The following PTPRT variants were observed in gnomAD, a reference collection of about 807,000 sequenced individuals.
PTPRT encodes the protein protein tyrosine phosphatase receptor type T, also known as receptor-type tyrosine-protein phosphatase T.
In PTPRT, 56 loss-of-function variants were observed where a neutral mutation model predicts 176.8. The observed-to-expected ratio is 0.32, with a 90% confidence interval of 0.26 to 0.40. The LOEUF is 0.40. PTPRT is among the 10% of genes least tolerant of loss of function. The pLI is 1.00. For synonymous variants in PTPRT, 783 were observed against 739.0 expected, an observed-to-expected ratio of 1.06 and a Z score of -0.96; for missense variants, 1,540 against 1,908.2, an observed-to-expected ratio of 0.81 and a Z score of 3.60.
rs3092107 is a variant in PTPRT at position 42,657,924 on chromosome 20, CTT to C, written c.1153+19940_1153+19941del. Among the ~76,000 whole-genome samples the C allele has an allele frequency of 9.7e-3, 1,367 of 141,490 alleles. 28 individuals carry two copies. In the East Asian group the frequency reaches 0.098, roughly 10 times the overall value. 92.8% of individuals were successfully genotyped at this position (141,490 alleles called of 152,430 possible). ...ATTTTTACATCTCTGTGAGGTTTAC[CTT>C]TTTTTTTTTTTTTACCTTTTCTTAA... On this transcript the variant is annotated intron_variant, in intron 7 of 30. Coordinates refer to ENST00000373187, the MANE Select transcript of PTPRT (RefSeq NM_007050.6).
intron 1 of PTPRT, among the ~76,000 whole-genome samples, chr20:43,081,755 T>G (rs182205296): frequency 3.6e-4 from 55 of 152,294 alleles, no homozygotes; most frequent in Admixed American, 1.6e-3. Context: ...CAAAATAACA[T>G]GCATTTAGTG....
At chr20:42,636,155 T>C (rs2074594598) in intron 7 of PTPRT, among the ~76,000 whole-genome samples, 1 of 152,162 alleles carries the variant, frequency 6.6e-6, no homozygotes, top group South Asian at 2.1e-4. Context: ...GGAAGGGTTG[T>C]TTATTATGGC....
chr20:42,413,103 T>C (rs2059032820), intron 9 of PTPRT, among the ~76,000 whole-genome samples: 1 of 151,992 alleles, frequency 6.6e-6, no homozygotes, highest in Admixed American at 6.6e-5. Context: ...GAAACAAAGA[T>C]GACATTAGAG....
At chr20:42,424,148 T>A (rs2059143000) in intron 9 of PTPRT, among the ~76,000 whole-genome samples, 1 of 152,366 alleles carries the variant, frequency 6.6e-6, no homozygotes, top group Non-Finnish European at 1.5e-5. Flanking sequence ...AGGTTTTTTA[T>A]TTTTTATTTT....
At chr20:42,868,759 A>T (rs2078793947) in intron 2 of PTPRT, among the ~76,000 whole-genome samples, 1 of 152,178 alleles carries the variant, frequency 6.6e-6, no homozygotes, top group Non-Finnish European at 1.5e-5. Context: ...CATTTCAAAG[A>T]TCTCTAAAGT....
intron 2 of PTPRT, among the ~76,000 whole-genome samples, chr20:42,825,091 T>A (rs1395307887): frequency 1.3e-5 from 2 of 152,056 alleles, no homozygotes; most frequent in Non-Finnish European, 2.9e-5. Context: ...AGTAAATGAG[T>A]AATTACCTGA....
chr20:42,271,482 T>C (rs1265839427), intron 13 of PTPRT, among the ~76,000 whole-genome samples: 1 of 152,214 alleles, frequency 6.6e-6, no homozygotes, highest in Non-Finnish European at 1.5e-5. Context: ...TAGAAATGGA[T>C]GCCTTCTCTT....
chr20:42,722,494 G>C (rs4812637), intron 6 of PTPRT, among the ~76,000 whole-genome samples: 12,178 of 152,158 alleles, frequency 0.08, 555 homozygotes, highest in South Asian at 0.16. Context: ...AAATGGGCTG[G>C]CTAGAAACTT....
intron 7 of PTPRT, among the ~76,000 whole-genome samples, chr20:42,551,968 G>A (rs908758864): frequency 2.0e-5 from 3 of 152,094 alleles, no homozygotes; most frequent in African/African-American, 4.8e-5. Flanking sequence ...ATACATGAAG[G>A]GGATGCTTCT....
chr20:42,702,150 T>A (rs142304044), intron 6 of PTPRT, among the ~76,000 whole-genome samples: 86 of 152,246 alleles, frequency 5.6e-4, no homozygotes, highest in African/African-American at 1.9e-3. Context: ...TCCACCCTCA[T>A]GAGTATCCTC....
intron 1 of PTPRT, among the ~76,000 whole-genome samples, chr20:43,033,533 A>G (rs974284440): frequency 6.6e-6 from 1 of 151,900 alleles, no homozygotes; most frequent in African/African-American, 2.4e-5. Flanking sequence ...CTGCTTCTGG[A>G]CTCCTTCCTG....
intron 7 of PTPRT, among the ~76,000 whole-genome samples, chr20:42,535,438 A>C (rs2072459581): frequency 1.3e-5 from 2 of 152,212 alleles, no homozygotes; most frequent in Admixed American, 6.5e-5. Flanking sequence ...GTTTACCTAT[A>C]TAGCACACCT....
intron 15 of PTPRT, among the ~76,000 whole-genome samples, chr20:42,227,924 G>C (rs1321406399): frequency 6.6e-6 from 1 of 152,102 alleles, no homozygotes; most frequent in Non-Finnish European, 1.5e-5. Context: ...ATTCTTGAAG[G>C]TGGATCTGAG....
chr20:42,446,781 G>A (rs905538947), intron 9 of PTPRT, among the ~76,000 whole-genome samples: 26 of 151,968 alleles, frequency 1.7e-4, no homozygotes, highest in Admixed American at 9.2e-4. Flanking sequence ...CCCTCCTCTC[G>A]GGGTACTCCC....
Position 42,947,849 on chromosome 20 carries a change from C to T in PTPRT, c.89-61917G>A, listed in dbSNP as rs538988404. On this transcript the variant is annotated intron_variant, in intron 1 of 30. Coordinates refer to ENST00000373187, the MANE Select transcript of PTPRT (RefSeq NM_007050.6). Reference sequence around the variant, plus strand: ...GAGTGTCTCTACCTTGTCACTGAATCTAATGACCACTCCTTCATCCTTATC... The same window carrying T: ...GAGTGTCTCTACCTTGTCACTGAATTTAATGACCACTCCTTCATCCTTATC... 2.0e-5 allele frequency among the ~76,000 whole-genome samples: 3 copies of T among 152,222 alleles called. No individual in the cohort carries two copies. In the South Asian group the frequency reaches 6.2e-4, roughly 32 times the overall value.
In PTPRT at chr20:43,068,642, A is replaced by G. The variant is rs77661530; in HGVS notation, c.88+121004T>C. Among the ~76,000 whole-genome samples, 121 of 152,246 alleles carry G rather than the reference A, an allele frequency of 7.9e-4. No individual in the cohort carries two copies. The East Asian group carries it at 0.023, about 29-fold the overall frequency. On this transcript the variant is annotated intron_variant, in intron 1 of 30. Coordinates refer to ENST00000373187, the MANE Select transcript of PTPRT (RefSeq NM_007050.6). ...GGGACTGAGATTTAAGAGCAAGATCAAGGACAGAGCTAGTGATGCAGGAAT... is the reference window on the plus strand; with the variant it reads ...GGGACTGAGATTTAAGAGCAAGATCGAGGACAGAGCTAGTGATGCAGGAAT...
intron 6 of PTPRT, 35 bp from the exon 7 acceptor site, chr20:42,678,194 T>G (rs377602238): frequency 6.3e-6 from 10 of 1,583,368 alleles, no homozygotes; most frequent in Non-Finnish European, 8.6e-6. Context: ...ACTGTCAGAT[T>G]CAAATGATTT....
At chr20:43,148,926 G>A (rs1191860304) in intron 1 of PTPRT, among the ~76,000 whole-genome samples, 1 of 152,172 alleles carries the variant, frequency 6.6e-6, no homozygotes, top group Admixed American at 6.5e-5. Flanking sequence ...CGTGCTTGAG[G>A]TAGGTCAGAG....
intron 3 of PTPRT, among the ~76,000 whole-genome samples, chr20:42,787,703 C>T (rs1315436164): frequency 6.6e-6 from 1 of 152,220 alleles, no homozygotes; most frequent in African/African-American, 2.4e-5. Flanking sequence ...TAATGCAATT[C>T]TGAAACCCCA....
Sources: gnomAD v4.1 joint callset for allele counts (sites outside exome capture counted in the v4.1 genomes callset) on GRCh38, gnomAD v4.1.1 for gene constraint, MANE v1.5 for transcripts, NCBI Gene and HGNC (gene_info 2026-07-23, HGNC 2026-07-21) for gene names.